Variants in ERMARD observed in about 807,000 individuals in gnomAD.
ERMARD encodes the protein ER membrane associated RNA degradation.
ERMARD carries 71 observed loss-of-function variants against 83.9 expected under a neutral mutation model. The observed-to-expected ratio is 0.85, with a 90% CI of 0.70 to 1.03. The LOEUF is 1.03. ERMARD is among the 50% of genes least tolerant of loss of function. The pLI is 0.00. For synonymous variants in ERMARD, 284 were observed against 298.6 expected, an observed-to-expected ratio of 0.95 and a Z score of 0.50; for missense variants, 838 against 810.9, an observed-to-expected ratio of 1.03 and a Z score of -0.41.
chr6:169,775,859 A>T, intron 14 of ERMARD, 81 bp from the exon 15 acceptor site: 1 of 1,525,348 alleles, frequency 6.6e-7, no homozygotes, highest in Non-Finnish European at 8.9e-7. Context: ...CTGCTCAGTG[A>T]ACCATTGAAC....
chr6:169,756,202 G>GA (rs1790791129), intron 3 of ERMARD, 136 bp from the exon 4 acceptor site: 1 of 465,544 alleles, frequency 2.1e-6, no homozygotes, highest in South Asian at 4.8e-5. Context: ...TAATTATACA[G>GA]AAAATGTTTA....
intron 12 of ERMARD, chr6:169,772,905 G>A (rs1476372263): frequency 6.3e-6 from 1 of 159,056 alleles, no homozygotes; most frequent in South Asian, 2.0e-4. Flanking sequence ...TATATCAGCT[G>A]CAAATAATGT....
intron 16 of ERMARD, among the ~76,000 whole-genome samples, chr6:169,778,071 G>C (rs1793799696): frequency 6.6e-6 from 1 of 152,192 alleles, no homozygotes; most frequent in African/African-American, 2.4e-5. Context: ...CTGGGACCAT[G>C]GAGATGCGCC....
At chr6:169,752,580 G>C (rs889696857) in intron 1 of ERMARD, among the ~76,000 whole-genome samples, 7 of 152,164 alleles carry the variant, frequency 4.6e-5, no homozygotes, top group Non-Finnish European at 1.0e-4. Context: ...GGCTGAGAGT[G>C]GAAAGTGCAA....
intron 17 of ERMARD, among the ~76,000 whole-genome samples, chr6:169,780,971 TTGTGTGTTTATTTTGTGC>T (rs1358332825): frequency 4.6e-5 from 7 of 152,182 alleles, no homozygotes; most frequent in African/African-American, 1.4e-4. Context: ...TGACTGTATA[TTGTGTGTTTATTTTGTGC>T]TGTGTGTTTA....
Position 169,756,407 on chromosome 6 carries a change from C to T in ERMARD, c.385C>T (p.Leu129=), listed in dbSNP as rs141826774. Residue 129 remains leucine, a synonymous_variant, in exon 4 of 18, where the codon CTG becomes TTG. Coordinates refer to ENST00000366773, the MANE Select transcript of ERMARD (RefSeq NM_018341.3). Reference sequence around the variant, plus strand: ...TGCTATTTCTCTTAGCTTAATGAAACTGACATCGTGTCTAGAACGAGCCTT... The same window carrying T: ...TGCTATTTCTCTTAGCTTAATGAAATTGACATCGTGTCTAGAACGAGCCTT... ...SPAISLSLMK[L]TSCLERALGD... The T allele has an allele frequency of 4.2e-4, 676 of 1,611,736 alleles. No individual in the cohort carries two copies. The highest frequency in any genetic ancestry group is 8.4e-4 in the Admixed American group (50 of 59,476).
In ERMARD at chr6:169,768,137, A is replaced by G. The variant is rs775472068; in HGVS notation, c.1025A>G (p.Asn342Ser). 7 of 1,614,112 alleles carry G rather than the reference A, an allele frequency of 4.3e-6. No individual in the cohort carries two copies. The South Asian group carries it at 6.6e-5, about 15-fold the overall frequency. Residue 342 changes from asparagine to serine, a missense_variant, in exon 11 of 18, where the codon AAT becomes AGT. Physicochemically the swap from Asn to Ser is conservative, Grantham distance 46. Transcript: ENST00000366773. ...LAKHLNDGKINQLPLFLGEPA... is the reference protein window; with the variant it reads ...LAKHLNDGKISQLPLFLGEPA... Reference sequence around the variant, plus strand: ...AAACACTTGAATGATGGTAAAATCAATCAGCTTCCTCTTTTCCTTGGAGAG... The same window carrying G: ...AAACACTTGAATGATGGTAAAATCAGTCAGCTTCCTCTTTTCCTTGGAGAG...
intron 9 of ERMARD, among the ~76,000 whole-genome samples, chr6:169,762,808 G>A (rs1215722435): frequency 1.3e-5 from 2 of 152,224 alleles, no homozygotes; most frequent in African/African-American, 4.8e-5. Flanking sequence ...TTGATGGTGT[G>A]TCACTGTAAC....
intron 3 of ERMARD, chr6:169,755,707 T>G (rs1484659131): frequency 2.9e-6 from 1 of 344,178 alleles, no homozygotes; most frequent in African/African-American, 2.1e-5. Context: ...GAGGAAAAAT[T>G]TACTACTCCA....
chr6:169,776,401 G>A (rs754852746), intron 15 of ERMARD, 54 bp from the exon 16 acceptor site: 3 of 1,581,106 alleles, frequency 1.9e-6, no homozygotes, highest in South Asian at 1.1e-5. Context: ...CAGAAGGAGA[G>A]TGAGGCCCAG....
intron 10 of ERMARD, among the ~76,000 whole-genome samples, 154 bp downstream of exon 10, chr6:169,766,821 A>C (rs1216982333): frequency 6.6e-6 from 1 of 152,216 alleles, no homozygotes; most frequent in Non-Finnish European, 1.5e-5. Context: ...CTGATAATTG[A>C]TATTTCCGGT....
chr6:169,767,699 TCACA>T, intron 10 of ERMARD: 1 of 214,436 alleles, frequency 4.7e-6, no homozygotes, highest in South Asian at 8.0e-5. Flanking sequence ...ACACACGAAC[TCACA>T]CATCCATGCC....
chr6:169,755,050 CTT>C (rs761900750), intron 2 of ERMARD, among the ~76,000 whole-genome samples: 28 of 152,024 alleles, frequency 1.8e-4, no homozygotes, highest in Non-Finnish European at 3.4e-4. Context: ...TTGTTTGAAA[CTT>C]TTTGTATTTT....
intron 12 of ERMARD, chr6:169,771,220 TTA>T (rs1315104021): frequency 6.6e-6 from 1 of 152,128 alleles, no homozygotes; most frequent in Non-Finnish European, 1.5e-5. Flanking sequence ...GTAGCTGGGA[TTA>T]CAGGCGCCCG....
intron 2 of ERMARD, among the ~76,000 whole-genome samples, chr6:169,754,332 A>T (rs1387986409): frequency 6.6e-6 from 1 of 152,156 alleles, no homozygotes; most frequent in East Asian, 1.9e-4. Flanking sequence ...GATTCTCTGT[A>T]GGAGTCATGT....
chr6:169,765,143 C>T (rs974875651), intron 9 of ERMARD, among the ~76,000 whole-genome samples: 2 of 152,230 alleles, frequency 1.3e-5, no homozygotes, highest in Admixed American at 6.5e-5. Context: ...ATTGGCTGCA[C>T]GGTGGCACGC....
Position 169,776,571 on chromosome 6 carries a change from T to C in ERMARD, c.1637T>C (p.Val546Ala). 1 of 1,614,244 alleles carries C rather than the reference T, an allele frequency of 6.2e-7. No individual in the cohort carries two copies. Among genetic ancestry groups the C allele is most frequent in the Non-Finnish European group, 8.5e-7 (1 of 1,180,044 alleles). ...AGCATCAGCGAACAGTGCCGCCGTG[T>C]GTCCAGCCAGGTCACCGTTGCCTCA... ...LRSISEQCRR[V>A]SSQVTVASEL... The change falls in exon 16 of 18, where the codon GTG (valine) becomes GCG (alanine). Residue 546 changes from valine to alanine, a missense_variant. By Grantham distance (64) the Val-to-Ala change is moderately conservative. Coordinates refer to ENST00000366773, the MANE Select transcript of ERMARD (RefSeq NM_018341.3).
At chr6:169,756,241 T>C (rs1272171906) in intron 3 of ERMARD, 97 bp from the exon 4 acceptor site, 1 of 609,500 alleles carries the variant, frequency 1.6e-6, no homozygotes, top group African/African-American at 1.9e-5. Flanking sequence ...AATATGGCAG[T>C]TGAAATCTCT....
At chr6:169,756,622 C>A in intron 4 of ERMARD, 97 bp from the exon 5 acceptor site, 1 of 1,125,408 alleles carries the variant, frequency 8.9e-7, no homozygotes, top group Non-Finnish European at 1.3e-6. Context: ...AAGTACTTTT[C>A]ACCCTTCATT....
Sources: gnomAD v4.1 joint callset for allele counts (sites outside exome capture counted in the v4.1 genomes callset) on GRCh38, gnomAD v4.1.1 for gene constraint, MANE v1.5 for transcripts, NCBI Gene and HGNC (gene_info 2026-07-23, HGNC 2026-07-21) for gene names.